Variants in TNNI3K observed in about 807,000 individuals in gnomAD.
TNNI3K encodes the protein TNNI3 interacting kinase, also known as serine/threonine-protein kinase TNNI3K.
TNNI3K carries 140 observed loss-of-function variants against 114.5 expected under a neutral mutation model. The observed-to-expected ratio is 1.22, with a 90% CI of 1.07 to 1.41. The LOEUF (loss-of-function observed/expected upper bound fraction) is 1.41. Among genes scored for constraint, TNNI3K ranks in the 40% most tolerant of loss-of-function variants. The probability of loss-of-function intolerance (pLI) is 0.00; values close to 1 mark genes in which losing one functional copy is unlikely to be tolerated. For missense variants in TNNI3K, 1,125 were observed against 1,007.6 expected (o/e 1.12, Z -1.58); for synonymous variants, 347 against 347.5 (o/e 1.00, Z 0.02).
intron 4 of TNNI3K, among the ~76,000 whole-genome samples, chr1:74,270,944 A>G (rs908991000): frequency 2.0e-5 from 3 of 151,846 alleles, no homozygotes; most frequent in Non-Finnish European, 2.9e-5. Flanking sequence ...TAATATTATA[A>G]AAAAGTAAGA....
chr1:74,374,054 T>C (rs1427851649), intron 17 of TNNI3K: 1 of 151,916 alleles, frequency 6.6e-6, no homozygotes, highest in Non-Finnish European at 1.5e-5. Flanking sequence ...TAATATCTAG[T>C]ACAATGTAAA....
chr1:74,470,285 G>C (rs893530197), intron 21 of TNNI3K: 36 of 400,500 alleles, frequency 9.0e-5, no homozygotes, highest in Middle Eastern at 6.2e-4. Flanking sequence ...CAAGTTTGCT[G>C]CCTTTCTTTT....
chr1:74,524,168 G>T (rs896153720), intron 23 of TNNI3K, among the ~76,000 whole-genome samples: 1 of 152,248 alleles, frequency 6.6e-6, no homozygotes, highest in Non-Finnish European at 1.5e-5. Context: ...TCTTCTTTGT[G>T]AAAAGTCTTT....
intron 16 of TNNI3K, 26 bp from the exon 17 acceptor site, chr1:74,370,262 C>T: frequency 6.4e-7 from 1 of 1,560,324 alleles, no homozygotes; most frequent in Non-Finnish European, 8.7e-7. Context: ...CATTTCATCT[C>T]TGTTAAATCT....
At chr1:74,384,475 T>G (rs1407387556) in intron 17 of TNNI3K, among the ~76,000 whole-genome samples, 1 of 152,160 alleles carries the variant, frequency 6.6e-6, no homozygotes, top group Non-Finnish European at 1.5e-5. Context: ...TCCTGAAATT[T>G]TAGTGATTTC....
chr1:74,533,861 ATG>A, intron 23 of TNNI3K, among the ~76,000 whole-genome samples: 1 of 152,306 alleles, frequency 6.6e-6, no homozygotes, highest in Middle Eastern at 3.4e-3. Flanking sequence ...GAATTGAACA[ATG>A]AGAAGACATG....
intron 23 of TNNI3K, among the ~76,000 whole-genome samples, chr1:74,535,633 C>G (rs148616624): frequency 1.2e-3 from 176 of 152,294 alleles, no homozygotes; most frequent in African/African-American, 3.8e-3. Context: ...AGGGATGGAA[C>G]AGTATCCCCT....
At chr1:74,366,073 G>A (rs1451144830) in intron 11 of TNNI3K, among the ~76,000 whole-genome samples, 4 of 151,608 alleles carry the variant, frequency 2.6e-5, no homozygotes, top group African/African-American at 4.8e-5. Flanking sequence ...AAGTTTTTGC[G>A]GAAGGGAAGA....
intron 23 of TNNI3K, among the ~76,000 whole-genome samples, chr1:74,532,706 C>T (rs1374223726): frequency 1.3e-5 from 2 of 150,446 alleles, no homozygotes; most frequent in South Asian, 2.1e-4. Flanking sequence ...GGTACTGGTA[C>T]CAAAACAGAG....
rs117867652 is a variant in TNNI3K, at chr1:74,428,178, G to T, written c.1773-7902G>T. On this transcript the variant is annotated intron_variant, in intron 17 of 24. Transcript: ENST00000326637. ...GTTTCCAAGAGTTCACTGAAATTAGGCTTTCCATGTTTAGAAGTCATGATA... is the reference window on the plus strand; with the variant it reads ...GTTTCCAAGAGTTCACTGAAATTAGTCTTTCCATGTTTAGAAGTCATGATA... Among the ~76,000 whole-genome samples, 39 of 152,140 alleles carry T rather than the reference G, an allele frequency of 2.6e-4. No homozygotes were observed. In the East Asian group the frequency reaches 7.2e-3, roughly 28 times the overall value.
intron 21 of TNNI3K, among the ~76,000 whole-genome samples, chr1:74,478,187 A>G (rs1668299347): frequency 6.6e-6 from 1 of 152,198 alleles, no homozygotes; most frequent in South Asian, 2.1e-4. Flanking sequence ...TTAATGGAGC[A>G]AATTAACATC....
chr1:74,250,722 C>G lies in TNNI3K; in HGVS notation c.286C>G (p.Arg96Gly). Residue 96 changes from arginine (R) to glycine (G), a missense_variant, in exon 4 of 25, where the codon CGA becomes GGA. By Grantham distance (125) the Arg-to-Gly change is moderately radical. Transcript: ENST00000326637. Reference protein sequence around the residue: ...TLMLKGLRPSRLTRNGFTALH... With the variant: ...TLMLKGLRPSGLTRNGFTALH... ...TATGTTGAAAGGGCTCCGCCCATCT[C>G]GACTGACAAGAAATGGATTTACAGC... The G allele has an allele frequency of 1.9e-6, 3 of 1,613,356 alleles. No homozygotes were observed. Among genetic ancestry groups the G allele is most frequent in the Non-Finnish European group, 2.5e-6 (3 of 1,179,734 alleles).
At chr1:74,393,555 A>G (rs948270127) in intron 17 of TNNI3K, among the ~76,000 whole-genome samples, 2 of 152,210 alleles carry the variant, frequency 1.3e-5, no homozygotes, top group African/African-American at 4.8e-5. Context: ...TGCTATGTCT[A>G]AACACACAAG....
chr1:74,495,475 G>A (rs1274920381), intron 23 of TNNI3K, among the ~76,000 whole-genome samples: 1 of 152,126 alleles, frequency 6.6e-6, no homozygotes, highest in Non-Finnish European at 1.5e-5. Context: ...TCAATAAACA[G>A]GAATTATTTT....
intron 17 of TNNI3K, among the ~76,000 whole-genome samples, chr1:74,391,417 T>TGTTC (rs1441039652): frequency 2.0e-4 from 30 of 152,030 alleles, no homozygotes; most frequent in Non-Finnish European, 1.0e-4. Flanking sequence ...TTTGTTTGTT[T>TGTTC]GTTCGTTTAG....
intron 21 of TNNI3K, among the ~76,000 whole-genome samples, chr1:74,474,484 C>T (rs1026348717): frequency 6.6e-6 from 1 of 152,082 alleles, no homozygotes; most frequent in African/African-American, 2.4e-5. Context: ...TAGGGCCAGA[C>T]CCCTGTGGTA....
At chr1:74,364,754 C>A (rs1164269748) in intron 11 of TNNI3K, among the ~76,000 whole-genome samples, 1 of 151,290 alleles carries the variant, frequency 6.6e-6, no homozygotes, top group Non-Finnish European at 1.5e-5. Context: ...ACTAAGCCAA[C>A]CATTGCTGGC....
chr1:74,269,669 G>A (rs1656224910), intron 4 of TNNI3K, among the ~76,000 whole-genome samples: 1 of 151,886 alleles, frequency 6.6e-6, no homozygotes, highest in South Asian at 2.1e-4. Context: ...AATAAGGAAT[G>A]TTAGATGACA....
At chr1:74,540,204 C>A (rs758296141) in intron 23 of TNNI3K, 30 bp from the exon 24 acceptor site, 1 of 1,606,048 alleles carries the variant, frequency 6.2e-7, no homozygotes, top group Admixed American at 1.7e-5. Flanking sequence ...GATCACCATA[C>A]TGTGAAACTG....
Sources: gnomAD v4.1 joint callset for allele counts (sites outside exome capture counted in the v4.1 genomes callset) on GRCh38, gnomAD v4.1.1 for gene constraint, MANE v1.5 for transcripts, NCBI Gene and HGNC (gene_info 2026-07-23, HGNC 2026-07-21) for gene names.